DKK4: variants seen among roughly 807,000 people sequenced by gnomAD.
DKK4 encodes the protein dickkopf-related protein 4.
In DKK4, 15 loss-of-function variants were observed where a neutral mutation model predicts 14.5. The ratio of observed to expected loss-of-function variants is 1.03; its 90% CI spans 0.69 to 1.59. DKK4 has a LOEUF of 1.59. DKK4 is among the 40% of genes most tolerant of loss of function. The pLI is 0.00. For missense variants in DKK4, 272 were observed against 280.3 expected (o/e 0.97, Z 0.21); for synonymous variants, 89 against 105.2 (o/e 0.85, Z 0.94).
chr8:42,382,310 C>T, the DKK4 span, among the ~76,000 whole-genome samples: 12 of 152,186 alleles, frequency 7.9e-5, no homozygotes, highest in Non-Finnish European at 1.3e-4. Flanking sequence ...TGTCCCTCAG[C>T]GAGAATGCCA....
the DKK4 span, among the ~76,000 whole-genome samples, chr8:42,388,848 C>T: frequency 1.3e-5 from 2 of 152,354 alleles, no homozygotes; most frequent in South Asian, 2.1e-4. Flanking sequence ...GGATTACAGG[C>T]GTGAGCCACT....
upstream of DKK4, among the ~76,000 whole-genome samples, chr8:42,379,602 G>A (rs974710915): frequency 2.0e-5 from 3 of 151,686 alleles, no homozygotes; most frequent in East Asian, 1.9e-4. Context: ...AAATACAGAC[G>A]AAGGCATGAT....
At chr8:42,387,028 C>A in the DKK4 span, among the ~76,000 whole-genome samples, 1 of 152,224 alleles carries the variant, frequency 6.6e-6, no homozygotes, top group Admixed American at 6.5e-5. Context: ...TTGGGGACAG[C>A]ATCTCCCTGG....
rs757483852 is a variant in DKK4, at chr8:42,374,121, G to T, written c.654C>A (p.Cys218Ter). 6.2e-7 allele frequency: 1 copy of T among 1,610,916 alleles called. No homozygotes were observed. The highest frequency in any genetic ancestry group is 2.2e-5 in the East Asian group (1 of 44,824). Residue 218 changes from cysteine (C) to a stop codon, truncating the protein, a stop_gained, in exon 4 of 4, where the codon TGC becomes TGA. Transcript: ENST00000220812. LOFTEE classifies it high-confidence loss of function. ...SNRQHARLRV[C>*]QKIEKL ...ATATTTATAGCTTTTCTATTTTTTG[G>T]CATACTCTTAATCGAGCATGCTGCC... is the stretch of plus-strand genomic sequence containing the variant.
chr8:42,385,641 G>C, the DKK4 span, among the ~76,000 whole-genome samples: 1 of 152,012 alleles, frequency 6.6e-6, no homozygotes, highest in Non-Finnish European at 1.5e-5. Flanking sequence ...GTGGCAAAGA[G>C]TGAGGTGCAC....
At position 42,375,832 on chromosome 8, in the gene DKK4, T is replaced by G; in HGVS notation, c.112-2A>C. ...CGTGTCAGACAGGCACTGTGAGCCC[T>G]GTGGAGGGAATCTGTTATCACAAGG... is the stretch of plus-strand genomic sequence containing the variant. On this transcript the variant is annotated splice_acceptor_variant, in intron 1 of 3. Transcript: ENST00000220812. LOFTEE classifies it high-confidence loss of function. The G allele has an allele frequency of 6.2e-7, 1 of 1,613,774 alleles. No individual in the cohort carries two copies.
At chr8:42,390,984 A>T in the DKK4 span, among the ~76,000 whole-genome samples, 2 of 152,134 alleles carry the variant, frequency 1.3e-5, no homozygotes, top group African/African-American at 4.8e-5. Context: ...AGCCTGAATC[A>T]ATTATTATCA....
At chr8:42,391,208 T>C in the DKK4 span, among the ~76,000 whole-genome samples, 4 of 152,094 alleles carry the variant, frequency 2.6e-5, no homozygotes, top group South Asian at 2.1e-4. Context: ...AGTGACACTC[T>C]TGAAGTCTGG....
the DKK4 span, among the ~76,000 whole-genome samples, chr8:42,385,763 C>T: frequency 6.6e-6 from 1 of 152,136 alleles, no homozygotes; most frequent in South Asian, 2.1e-4. Context: ...CTAGGTTCTT[C>T]CCCAACTTAT....
At position 42,376,884 on chromosome 8, in the gene DKK4, A is replaced by C. The variant is rs781453074; in HGVS notation, c.111+51T>G. The C allele has an allele frequency of 7.6e-6, 11 of 1,450,174 alleles. No individual in the cohort carries two copies. In the Admixed American group the frequency reaches 1.2e-4, roughly 16 times the overall value. 89.8% of individuals were successfully genotyped at this position (1,450,174 alleles called of 1,614,324 possible). ...TGACTTACTAAAGCCTAAACAAAAC[A>C]CCCCAGCTGTCAGCAGTCCCGTACC... On this transcript the variant is annotated intron_variant, in intron 1 of 3. Coordinates refer to ENST00000220812, the MANE Select transcript of DKK4 (RefSeq NM_014420.3).
rs2130872189 is a variant in DKK4, at chr8:42,374,810, T to A, written c.366A>T (p.Glu122Asp). The A allele has an allele frequency of 6.2e-7, 1 of 1,614,250 alleles. No individual in the cohort carries two copies. Among genetic ancestry groups the A allele is most frequent in the Non-Finnish European group, 8.5e-7 (1 of 1,180,050 alleles). Residue 122 changes from glutamate to aspartate, a missense_variant, in exon 3 of 4, where the codon GAA becomes GAT. By Grantham distance (45) the Glu-to-Asp change is conservative. Transcript: ENST00000220812. ...TACTTGGCTTCCTTTTGGGTTGGTTTTCCTGGACTGGGTGCCCAGTTGTTC... is the reference window on the plus strand; with the variant it reads ...TACTTGGCTTCCTTTTGGGTTGGTTATCCTGGACTGGGTGCCCAGTTGTTC... ...AEGTTGHPVQ[E>D]NQPKRKPSIK...
chr8:42,386,041 C>T, the DKK4 span, among the ~76,000 whole-genome samples: 3 of 152,214 alleles, frequency 2.0e-5, no homozygotes, highest in African/African-American at 7.2e-5. Context: ...CTCTTCTTCC[C>T]AATCCCTCTG....
upstream of DKK4, among the ~76,000 whole-genome samples, chr8:42,380,195 T>A (rs1355916074): frequency 6.6e-6 from 1 of 151,982 alleles, no homozygotes; most frequent in Non-Finnish European, 1.5e-5. Flanking sequence ...TACCCTGGTG[T>A]GGTGGCACGT....
At chr8:42,382,669 G>A in the DKK4 span, among the ~76,000 whole-genome samples, 2 of 152,244 alleles carry the variant, frequency 1.3e-5, no homozygotes, top group African/African-American at 4.8e-5. Context: ...TGGCCAAGGT[G>A]CTGCCATACT....
At chr8:42,379,830 A>T (rs1824638808), upstream of DKK4, among the ~76,000 whole-genome samples, 1 of 152,070 alleles carries the variant, frequency 6.6e-6, no homozygotes, top group South Asian at 2.1e-4. Context: ...ATGAAGCAAG[A>T]TGCAGACCCT....
At chr8:42,385,826 G>C in the DKK4 span, among the ~76,000 whole-genome samples, 11,514 of 152,100 alleles carry the variant, frequency 0.076, 760 homozygotes, top group African/African-American at 0.17. Flanking sequence ...CCAAATCTTA[G>C]AAATGTTGGA....
Position 42,374,836 on chromosome 8 carries a change from C to G in DKK4, c.340G>C (p.Gly114Arg). The G allele has an allele frequency of 6.2e-7, 1 of 1,614,156 alleles. No homozygotes were observed. Among genetic ancestry groups the G allele is most frequent in the Non-Finnish European group, 8.5e-7 (1 of 1,180,024 alleles). ...LDEQDGTHAE[G>R]TTGHPVQENQ... Reference sequence around the variant, plus strand: ...TCCTGGACTGGGTGCCCAGTTGTTCCTTCTGCATGTGTGCCATCTTGCTCA... The same window carrying G: ...TCCTGGACTGGGTGCCCAGTTGTTCGTTCTGCATGTGTGCCATCTTGCTCA... Residue 114 changes from glycine (G) to arginine (R), a missense_variant, in exon 3 of 4, where the codon GGA becomes CGA. Gly to Arg is a moderately radical substitution (Grantham distance 125). Coordinates refer to ENST00000220812, the MANE Select transcript of DKK4 (RefSeq NM_014420.3).
chr8:42,374,506 T>TA (rs1222576540), intron 3 of DKK4, 147 bp from the exon 4 acceptor site: 21 of 1,187,194 alleles, frequency 1.8e-5, no homozygotes, highest in East Asian at 4.8e-5. Flanking sequence ...AGCTAGGTGT[T>TA]ACGCTAAAAG....
chr8:42,380,848 GAAAAAAGGAAGGAGA>G (rs1824666655), upstream of DKK4, among the ~76,000 whole-genome samples: 1 of 132,278 alleles, frequency 7.6e-6, no homozygotes, highest in African/African-American at 2.8e-5. Flanking sequence ...AAAAATAAAT[GAAAAAAGGAAGGAGA>G]GAGAAAGGAA....
Sources: allele counts gnomAD v4.1 joint callset (sites outside exome capture counted in the v4.1 genomes callset), GRCh38; gene constraint gnomAD v4.1.1; transcripts MANE v1.5; gene names NCBI Gene and HGNC (gene_info 2026-07-23, HGNC 2026-07-21).